F8: variants seen among roughly 807,000 people sequenced by gnomAD.
F8 encodes coagulation factor VIII.
F8 carries 12 observed loss-of-function variants against 140.6 expected under a neutral mutation model. The observed-to-expected ratio is 0.09, with a 90% CI of 0.05 to 0.14. F8 has a LOEUF of 0.14. Ranked by LOEUF, F8 falls within the 10% of genes least tolerant of loss-of-function variation. The pLI is 1.00. For missense variants in F8, 1,354 were observed against 1,720.7 expected, an observed-to-expected ratio of 0.79 and a Z score of 3.77; for synonymous variants, 585 against 614.6, an observed-to-expected ratio of 0.95 and a Z score of 0.71.
At chrX:154,972,576 T>C (rs2073461916) in intron 6 of F8, among the ~76,000 whole-genome samples, 1 of 111,335 alleles carries the variant, frequency 9.0e-6, no homozygotes, top group African/African-American at 3.3e-5. Flanking sequence ...TTTTGAGGTC[T>C]TGTCTAACAA....
At chrX:154,942,430 AT>A (rs1276404533) in intron 13 of F8, among the ~76,000 whole-genome samples, 3 of 109,361 alleles carry the variant, frequency 2.7e-5, no homozygotes, top group Non-Finnish European at 5.8e-5. Flanking sequence ...AAATGGATAA[AT>A]TCCTCGACAC....
At chrX:154,948,082 C>T (rs1327844634) in intron 12 of F8, among the ~76,000 whole-genome samples, 175 bp from the exon 13 acceptor site, 1 of 111,412 alleles carries the variant, frequency 9.0e-6, no homozygotes, top group Non-Finnish European at 1.9e-5. Context: ...GGGCCCCAAT[C>T]CCAATGTGAG....
At chrX:154,939,133 G>A (rs782796117) in intron 13 of F8, among the ~76,000 whole-genome samples, 7 of 111,276 alleles carry the variant, frequency 6.3e-5, no homozygotes, top group South Asian at 7.5e-4. Context: ...CTGAGGTACC[G>A]GGTTCATCTT....
chrX:154,934,205 G>T (rs1483043913), intron 13 of F8, among the ~76,000 whole-genome samples: 1 of 112,050 alleles, frequency 8.9e-6, no homozygotes, highest in Non-Finnish European at 1.9e-5. Context: ...ATATAAAACA[G>T]GTATCAAAAG....
At chrX:154,858,721 T>C (rs1439675034) in intron 25 of F8, among the ~76,000 whole-genome samples, 1 of 112,260 alleles carries the variant, frequency 8.9e-6, no homozygotes, top group African/African-American at 3.2e-5. Context: ...GAATGGGTAG[T>C]AGAAGAAGGT....
At chrX:154,921,453 T>C (rs1374446676) in intron 14 of F8, among the ~76,000 whole-genome samples, 1 of 111,998 alleles carries the variant, frequency 8.9e-6, no homozygotes, top group Non-Finnish European at 1.9e-5. Flanking sequence ...AGTTCAACCA[T>C]TGTGGAAGTC....
chrX:154,855,244 A>T (rs2148564198), intron 25 of F8, among the ~76,000 whole-genome samples: 1 of 112,240 alleles, frequency 8.9e-6, no homozygotes, highest in African/African-American at 3.2e-5. Context: ...AATGAATATG[A>T]TGGGATTAGT....
At chrX:155,009,077 A>G (rs2073692329) in intron 1 of F8, among the ~76,000 whole-genome samples, 1 of 107,483 alleles carries the variant, frequency 9.3e-6, no homozygotes, top group Non-Finnish European at 1.9e-5. Context: ...AACCAGTAAC[A>G]TTAATTTTTT....
At chrX:154,852,780 C>T (rs5987050) in intron 25 of F8, among the ~76,000 whole-genome samples, 345 of 110,970 alleles carry the variant, frequency 3.1e-3, no homozygotes, top group African/African-American at 0.011. Context: ...GCTTTGAGGC[C>T]GGAGAATCGC....
intron 14 of F8, among the ~76,000 whole-genome samples, chrX:154,921,579 C>T (rs1461214088): frequency 9.0e-6 from 1 of 111,505 alleles, no homozygotes; most frequent in Non-Finnish European, 1.9e-5. Context: ...CACATGCACA[C>T]GTATATTTAT....
At chrX:154,865,290 G>C (rs1206767783) in intron 22 of F8, among the ~76,000 whole-genome samples, 1 of 110,428 alleles carries the variant, frequency 9.1e-6, no homozygotes, top group Non-Finnish European at 1.9e-5. Flanking sequence ...AAAAACTGAG[G>C]GGGTTTGTCA....
In F8 at chrX:154,929,031, C is replaced by T. The variant is rs142347597; in HGVS notation, c.4759G>A (p.Asp1587Asn). The T allele has an allele frequency of 8.1e-5, 98 of 1,209,260 alleles. 2 individuals carry two copies. The African/African-American group carries it at 1.1e-3, about 14-fold the overall frequency. ...PSKLLDPLAWDNHYGTQIPKE... is the reference protein window; with the variant it reads ...PSKLLDPLAWNNHYGTQIPKE... ...GGTATCTGAGTACCATAGTGGTTAT[C>T]CCAAGCAAGAGGATCCAATAGCTTG... The change falls in exon 14 of 26, where the codon GAT becomes AAT. Residue 1587 changes from aspartate to asparagine, a missense_variant. Around this residue, in one of 4 missense-constraint regions of F8, gnomAD observed 658 missense variants for 666.5 expected, o/e 0.99. Coordinates refer to ENST00000360256, the MANE Select transcript of F8 (RefSeq NM_000132.4).
chrX:154,895,693 AT>A (rs1202254798), intron 22 of F8, among the ~76,000 whole-genome samples: 1 of 111,741 alleles, frequency 8.9e-6, no homozygotes, highest in African/African-American at 3.3e-5. Flanking sequence ...CCATCCTTTT[AT>A]GTGGAAGTCA....
At chrX:154,953,751 G>A (rs2073349087) in intron 12 of F8, 141 bp downstream of exon 12, 4 of 765,185 alleles carry the variant, frequency 5.2e-6, no homozygotes, top group Non-Finnish European at 8.0e-6. Context: ...ACGTGTGTTT[G>A]AGTAAAAATT....
chrX:154,992,034 C>A (rs2073590882), intron 4 of F8, among the ~76,000 whole-genome samples: 1 of 111,949 alleles, frequency 8.9e-6, no homozygotes, highest in Non-Finnish European at 1.9e-5. Flanking sequence ...TATAAGAAGT[C>A]TGGCTACCCT....
rs375436591 is a variant in F8, at chrX:154,966,493, C to T, written c.1204G>A (p.Val402Ile). Residue 402 changes from valine to isoleucine, a missense_variant, in exon 8 of 26, where the codon GTA becomes ATA. Physicochemically the swap from Val to Ile is conservative, Grantham distance 29. Around this residue, in one of 4 missense-constraint regions of F8, gnomAD observed 252 missense variants for 338.5 expected, o/e 0.74. Coordinates refer to ENST00000360256, the MANE Select transcript of F8 (RefSeq NM_000132.4). ...SVAKKHPKTW[V>I]HYIAAEEEDW... Reference sequence around the variant, plus strand: ...TCCTCTTCAGCAGCAATGTAATGTACCCAAGTTTTAGGATGCTTCTTGGCA... The same window carrying T: ...TCCTCTTCAGCAGCAATGTAATGTATCCAAGTTTTAGGATGCTTCTTGGCA... 2.5e-6 allele frequency: 3 copies of T among 1,209,503 alleles called. No homozygotes were observed. The highest frequency in any genetic ancestry group is 3.4e-6 in the Non-Finnish European group (3 of 894,974).
At chrX:154,957,730 AC>A (rs1200808774) in intron 10 of F8, among the ~76,000 whole-genome samples, 1 of 109,743 alleles carries the variant, frequency 9.1e-6, no homozygotes, top group Admixed American at 9.7e-5. Context: ...TACTAAAAAT[AC>A]AAAAATTAGC....
chrX:154,948,952 A>C (rs1240376328), intron 12 of F8, among the ~76,000 whole-genome samples: 2 of 112,246 alleles, frequency 1.8e-5, no homozygotes, highest in Admixed American at 1.9e-4. Flanking sequence ...GAAACTGACA[A>C]GATGTAAGCG....
chrX:154,950,455 A>G (rs781788317), intron 12 of F8, among the ~76,000 whole-genome samples: 2 of 111,489 alleles, frequency 1.8e-5, no homozygotes, highest in East Asian at 2.8e-4. Context: ...TTTATTCCTT[A>G]ACTTGCATAA....
Sources: allele counts gnomAD v4.1 joint callset (sites outside exome capture counted in the v4.1 genomes callset), GRCh38; gene constraint gnomAD v4.1.1; regional missense constraint gnomAD v4.1.1; transcripts MANE v1.5; gene names NCBI Gene and HGNC (gene_info 2026-07-23, HGNC 2026-07-21).